ITGBL1: variants seen among roughly 807,000 people sequenced by gnomAD.
ITGBL1 encodes integrin subunit beta like 1.
In ITGBL1, 51 loss-of-function variants were observed where a neutral mutation model predicts 68.5. The observed-to-expected ratio is 0.74, with a 90% CI of 0.59 to 0.94. ITGBL1 has a LOEUF of 0.94. Ranked by LOEUF, ITGBL1 falls within the 40% of genes least tolerant of loss-of-function variation. The pLI is 0.00. For missense variants in ITGBL1, 649 were observed against 647.4 expected, an observed-to-expected ratio of 1.00 and a Z score of -0.03; for synonymous variants, 209 against 227.3, an observed-to-expected ratio of 0.92 and a Z score of 0.72.
intron 2 of ITGBL1, among the ~76,000 whole-genome samples, chr13:101,490,819 C>T (rs902970611): frequency 1.3e-5 from 2 of 152,168 alleles, no homozygotes; most frequent in African/African-American, 2.4e-5. Flanking sequence ...AGAGAAGGGG[C>T]AGAGTTTCTG....
At chr13:101,588,297 T>TTGTGTGTG (rs10661136) in intron 6 of ITGBL1, among the ~76,000 whole-genome samples, 30,147 of 149,112 alleles carry the variant, frequency 0.2, 3,088 homozygotes, top group Non-Finnish European at 0.23. Context: ...TATTCTTCCA[T>TTGTGTGTG]TGTGTGTGTG....
intron 2 of ITGBL1, among the ~76,000 whole-genome samples, chr13:101,498,998 C>G (rs2048899527): frequency 1.3e-5 from 2 of 152,108 alleles, no homozygotes; most frequent in Non-Finnish European, 1.5e-5. Context: ...ACCACTAGAA[C>G]AGTATGGGGG....
At chr13:101,496,598 T>C (rs1283171894) in intron 2 of ITGBL1, among the ~76,000 whole-genome samples, 3 of 151,842 alleles carry the variant, frequency 2.0e-5, no homozygotes, top group Non-Finnish European at 2.9e-5. Flanking sequence ...TTTTTTAAAA[T>C]ATTGATAATC....
chr13:101,706,143 A>G (rs2034259024), intron 8 of ITGBL1, among the ~76,000 whole-genome samples: 1 of 152,228 alleles, frequency 6.6e-6, no homozygotes, highest in Non-Finnish European at 1.5e-5. Context: ...CTGAAAAACC[A>G]GGAACCAATG....
At chr13:101,624,300 T>C (rs916370644) in intron 7 of ITGBL1, among the ~76,000 whole-genome samples, 4 of 152,216 alleles carry the variant, frequency 2.6e-5, no homozygotes, top group African/African-American at 9.6e-5. Flanking sequence ...CAAACACCGT[T>C]ACTTCCTGAA....
intron 2 of ITGBL1, among the ~76,000 whole-genome samples, chr13:101,523,350 G>A (rs1216758428): frequency 6.6e-6 from 1 of 152,148 alleles, no homozygotes; most frequent in Non-Finnish European, 1.5e-5. Context: ...TCCTCTTTGT[G>A]AGAGTCCGCC....
At position 101,476,816 on chromosome 13, in the gene ITGBL1, A is replaced by G. The variant is rs549837446; in HGVS notation, c.316+22716A>G. ...AGTTATAGCAAGTGTAAATATATATACACCCAAAACTGGAGCACCTAGACA... is the reference window on the plus strand; with the variant it reads ...AGTTATAGCAAGTGTAAATATATATGCACCCAAAACTGGAGCACCTAGACA... On this transcript the variant is annotated intron_variant, in intron 2 of 10. Transcript: ENST00000376180. Among the ~76,000 whole-genome samples the G allele has an allele frequency of 9.2e-5, 14 of 152,230 alleles. No homozygotes were observed. In the East Asian group the frequency reaches 2.5e-3, roughly 27 times the overall value.
At chr13:101,615,664 C>T (rs1451577995) in intron 7 of ITGBL1, among the ~76,000 whole-genome samples, 1 of 151,956 alleles carries the variant, frequency 6.6e-6, no homozygotes, top group African/African-American at 2.4e-5. Flanking sequence ...TAGTACATGC[C>T]TGTAGTCCCA....
chr13:101,521,714 G>A (rs1346706414), intron 2 of ITGBL1, among the ~76,000 whole-genome samples: 3 of 152,224 alleles, frequency 2.0e-5, no homozygotes, highest in Admixed American at 6.5e-5. Flanking sequence ...CAGGAGTGCC[G>A]AAGAGCATCC....
At chr13:101,522,136 TATG>T (rs2049296360) in intron 2 of ITGBL1, among the ~76,000 whole-genome samples, 1 of 152,100 alleles carries the variant, frequency 6.6e-6, no homozygotes, top group African/African-American at 2.4e-5. Flanking sequence ...GCCCCATCCT[TATG>T]ATGTCATTTA....
chr13:101,535,156 C>T (rs368801243), intron 2 of ITGBL1, among the ~76,000 whole-genome samples: 12 of 151,984 alleles, frequency 7.9e-5, no homozygotes, highest in African/African-American at 2.9e-4. Context: ...GCATTATGCT[C>T]AATATATCTA....
intron 2 of ITGBL1, among the ~76,000 whole-genome samples, chr13:101,467,218 T>C (rs551821339): frequency 1.3e-5 from 2 of 152,302 alleles, no homozygotes; most frequent in South Asian, 4.1e-4. Flanking sequence ...ATTTATATCA[T>C]AGCAGCCGGT....
chr13:101,711,654 T>C (rs982803961), intron 9 of ITGBL1: 2 of 152,238 alleles, frequency 1.3e-5, no homozygotes, highest in Non-Finnish European at 2.9e-5. Flanking sequence ...GACAGTTTCC[T>C]TTATTCTCTC....
At chr13:101,617,317 A>G (rs920308089) in intron 7 of ITGBL1, among the ~76,000 whole-genome samples, 1 of 152,094 alleles carries the variant, frequency 6.6e-6, no homozygotes, top group Non-Finnish European at 1.5e-5. Flanking sequence ...AGAATTTGTC[A>G]CTGAAGTTTC....
chr13:101,482,508 A>C lies in ITGBL1; in HGVS notation c.316+28408A>C, dbSNP rs550349302. Among the ~76,000 whole-genome samples, 12 of 152,266 alleles carry C rather than the reference A, an allele frequency of 7.9e-5. No homozygotes were observed. The South Asian group carries it at 2.5e-3, about 32-fold the overall frequency. The stretch of plus-strand genomic sequence containing the variant: ...AAAGAAACCTAAGTATTAGTTTTTT[A>C]TGTACCTATGACATTTGATTACAAT... On this transcript the variant is annotated intron_variant, in intron 2 of 10. Coordinates refer to ENST00000376180, the MANE Select transcript of ITGBL1 (RefSeq NM_004791.3).
chr13:101,670,134 TG>T (rs1228508872), intron 7 of ITGBL1, among the ~76,000 whole-genome samples: 4 of 152,194 alleles, frequency 2.6e-5, no homozygotes, highest in African/African-American at 9.7e-5. Flanking sequence ...GTGTCTGAAT[TG>T]TTCCATGTAA....
intron 7 of ITGBL1, among the ~76,000 whole-genome samples, chr13:101,688,269 G>T (rs2139544423): frequency 6.6e-6 from 1 of 152,144 alleles, no homozygotes; most frequent in Middle Eastern, 3.4e-3. Context: ...TTTAAACTTT[G>T]CATTCAGTAT....
At chr13:101,532,471 A>G (rs2049501350) in intron 2 of ITGBL1, among the ~76,000 whole-genome samples, 1 of 152,226 alleles carries the variant, frequency 6.6e-6, no homozygotes, top group South Asian at 2.1e-4. Context: ...GCTAATTGCA[A>G]GTTAATCTTT....
chr13:101,518,130 A>T (rs1310625370), intron 2 of ITGBL1, among the ~76,000 whole-genome samples: 1 of 152,212 alleles, frequency 6.6e-6, no homozygotes, highest in East Asian at 1.9e-4. Flanking sequence ...TAAGAAAGGA[A>T]CCAATCATTA....
Sources: gnomAD v4.1 joint callset for allele counts (sites outside exome capture counted in the v4.1 genomes callset) on GRCh38, gnomAD v4.1.1 for gene constraint, MANE v1.5 for transcripts, NCBI Gene and HGNC (gene_info 2026-07-23, HGNC 2026-07-21) for gene names.